The following BMPR1A variants were observed in gnomAD, a reference collection of about 807,000 sequenced individuals.
BMPR1A encodes bone morphogenetic protein receptor type 1A, also known as bone morphogenetic protein receptor type-1A.
A neutral mutation model predicts 66.0 loss-of-function variants in BMPR1A; 7 were observed. The observed-to-expected ratio is 0.11, with a 90% confidence interval of 0.06 to 0.20. The LOEUF (loss-of-function observed/expected upper bound fraction) is 0.20. Ranked by LOEUF, BMPR1A falls within the 10% of genes least tolerant of loss-of-function variation. The probability of loss-of-function intolerance (pLI) is 1.00; values close to 1 mark genes in which losing one functional copy is unlikely to be tolerated. For synonymous variants in BMPR1A, 200 were observed against 229.7 expected (o/e 0.87, Z 1.17); for missense variants, 408 against 669.1 (o/e 0.61, Z 4.31).
At chr10:86,809,986 T>A (rs1041782632) in intron 1 of BMPR1A, among the ~76,000 whole-genome samples, 5 of 140,714 alleles carry the variant, frequency 3.6e-5, no homozygotes, top group South Asian at 4.8e-4. Context: ...TATTATTATT[T>A]TTGAGACAGA....
intron 1 of BMPR1A, among the ~76,000 whole-genome samples, chr10:86,791,711 C>CCCTTCCTTCCTTCCTT (rs765110217): frequency 2.8e-4 from 16 of 56,416 alleles, no homozygotes; most frequent in East Asian, 1.7e-3. Flanking sequence ...CTCCCTCCCT[C>CCCTTCCTTCCTTCCTT]CCTTCCTTCC....
At chr10:86,832,238 C>T (rs924822120) in intron 1 of BMPR1A, among the ~76,000 whole-genome samples, 2 of 152,064 alleles carry the variant, frequency 1.3e-5, no homozygotes, top group African/African-American at 2.4e-5. Flanking sequence ...GAGGCCTAGG[C>T]GGTTGGATCA....
At chr10:86,890,025 G>A (rs1246959448) in intron 3 of BMPR1A, 37 bp from the exon 4 acceptor site, 2 of 1,609,672 alleles carry the variant, frequency 1.2e-6, no homozygotes, top group South Asian at 2.2e-5. Context: ...GAGCTTTTCA[G>A]AAATGATTTA....
At chr10:86,885,669 T>G (rs1843059180) in intron 3 of BMPR1A, among the ~76,000 whole-genome samples, 1 of 152,246 alleles carries the variant, frequency 6.6e-6, no homozygotes. Flanking sequence ...GGTTTCTATT[T>G]AATTAATGAT....
rs1285271069 is a variant in BMPR1A at position 86,927,255 on chromosome 10, C to T, written c.*3536C>T. On this transcript the variant is annotated 3_prime_UTR_variant, in exon 13 of 13. Transcript: ENST00000372037. Reference sequence around the variant, plus strand: ...AAATTTGATATTGAATAATTTATTCCAGGGCAGCTTTCATAAACATACTTC... The same window carrying T: ...AAATTTGATATTGAATAATTTATTCTAGGGCAGCTTTCATAAACATACTTC... 3 of 190,914 alleles carry T rather than the reference C, an allele frequency of 1.6e-5. No homozygotes were observed. Among genetic ancestry groups the T allele is most frequent in the African/African-American group, 7.0e-5 (3 of 42,918 alleles). 11.8% of individuals were successfully genotyped at this position (190,914 alleles called of 1,614,324 possible).
At chr10:86,782,424 A>G (rs139274887) in intron 1 of BMPR1A, among the ~76,000 whole-genome samples, 106 of 152,126 alleles carry the variant, frequency 7.0e-4, no homozygotes, top group African/African-American at 2.3e-3. Context: ...TTTCATAGTG[A>G]TTGTACTGTT....
At chr10:86,807,598 G>A (rs1196273320) in intron 1 of BMPR1A, among the ~76,000 whole-genome samples, 1 of 151,792 alleles carries the variant, frequency 6.6e-6, no homozygotes, top group Non-Finnish European at 1.5e-5. Context: ...GGCTAGTCTG[G>A]TCTTGAATTC....
intron 7 of BMPR1A, among the ~76,000 whole-genome samples, chr10:86,911,006 T>A (rs1843473037): frequency 6.6e-6 from 1 of 151,846 alleles, no homozygotes; most frequent in Admixed American, 6.6e-5. Flanking sequence ...AATACAAAAA[T>A]TAGCCAGGCG....
At chr10:86,796,948 T>C (rs545547127) in intron 1 of BMPR1A, among the ~76,000 whole-genome samples, 1 of 152,306 alleles carries the variant, frequency 6.6e-6, no homozygotes, top group East Asian at 1.9e-4. Flanking sequence ...ATGCTTTAGT[T>C]CTAATTTATT....
chr10:86,822,596 C>G (rs1842135023), intron 1 of BMPR1A, among the ~76,000 whole-genome samples: 1 of 151,372 alleles, frequency 6.6e-6, no homozygotes. Context: ...TACTTAATCA[C>G]TATGAGCTTC....
At chr10:86,810,948 T>C (rs1305969073) in intron 1 of BMPR1A, among the ~76,000 whole-genome samples, 2 of 152,244 alleles carry the variant, frequency 1.3e-5, no homozygotes, top group Non-Finnish European at 1.5e-5. Flanking sequence ...GGTTTTGCCA[T>C]GTTGGTCGGG....
At chr10:86,855,265 C>T (rs1009129313) in intron 2 of BMPR1A, 4 of 1,097,378 alleles carry the variant, frequency 3.6e-6, no homozygotes, top group Non-Finnish European at 3.7e-6. Context: ...TAATTCTGGC[C>T]ATACAAAAAC....
chr10:86,756,708 G>C lies in BMPR1A; in HGVS notation c.-479G>C, dbSNP rs1847870128. 1 of 152,070 alleles carries C rather than the reference G, an allele frequency of 6.6e-6. No homozygotes were observed. Among genetic ancestry groups the C allele is most frequent in the East Asian group, 1.9e-4 (1 of 5,154 alleles). 9.4% of individuals were successfully genotyped at this position (152,070 alleles called of 1,614,324 possible). A position where few individuals can be genotyped will look rare whatever the true frequency, so the allele number is the denominator to read the frequency against. On this transcript the variant is annotated 5_prime_UTR_variant, in exon 1 of 13. Transcript: ENST00000372037. ...GGAGAAGGGAGGAGGCAGGAGCGAG[G>C]AGGGAGGAGGGCCAAGGGCGGGCAG...
chr10:86,757,180 C>T (rs1370726121), intron 1 of BMPR1A, among the ~76,000 whole-genome samples: 2 of 152,110 alleles, frequency 1.3e-5, no homozygotes, highest in Non-Finnish European at 2.9e-5. Context: ...TTTGGGGATG[C>T]GGAGTGGGCG....
At chr10:86,884,891 A>T (rs1843050064) in intron 3 of BMPR1A, among the ~76,000 whole-genome samples, 1 of 152,194 alleles carries the variant, frequency 6.6e-6, no homozygotes, top group South Asian at 2.1e-4. Context: ...GATTAATGTT[A>T]ACTGATTTAT....
chr10:86,904,447 C>G (rs764593401), intron 7 of BMPR1A, among the ~76,000 whole-genome samples: 4 of 152,192 alleles, frequency 2.6e-5, no homozygotes, highest in Non-Finnish European at 5.9e-5. Flanking sequence ...GAACCAACAT[C>G]TTTAAAGTGC....
intron 1 of BMPR1A, among the ~76,000 whole-genome samples, chr10:86,816,607 G>A (rs1228903685): frequency 6.6e-6 from 1 of 152,208 alleles, no homozygotes; most frequent in Non-Finnish European, 1.5e-5. Context: ...TTCTGTCCAT[G>A]TCCTTTTTCC....
At chr10:86,904,192 C>G (rs1843351964) in intron 7 of BMPR1A, among the ~76,000 whole-genome samples, 1 of 152,262 alleles carries the variant, frequency 6.6e-6, no homozygotes, top group Non-Finnish European at 1.5e-5. Context: ...GCGTGAGCCA[C>G]TGCACTCAGC....
At chr10:86,766,849 G>A (rs1449658491) in intron 1 of BMPR1A, among the ~76,000 whole-genome samples, 4 of 145,392 alleles carry the variant, frequency 2.8e-5, no homozygotes, top group East Asian at 2.0e-4. Context: ...TTTGGAGACC[G>A]AGTCTTGCTC....
Sources: allele counts gnomAD v4.1 joint callset (sites outside exome capture counted in the v4.1 genomes callset), GRCh38; gene constraint gnomAD v4.1.1; transcripts MANE v1.5; gene names NCBI Gene and HGNC (gene_info 2026-07-23, HGNC 2026-07-21).